Variants in TENM4 observed in about 807,000 individuals in gnomAD.
The protein encoded by TENM4 is teneurin-4.
TENM4 carries 82 observed loss-of-function variants against 243.3 expected under a neutral mutation model. That is an observed-to-expected ratio of 0.34 (90% CI 0.28 to 0.40). The LOEUF (loss-of-function observed/expected upper bound fraction) is 0.40, where lower values mean the gene tolerates loss of function less well. Among genes scored for constraint, TENM4 ranks in the 10% least tolerant of loss-of-function variants. TENM4 has a pLI of 1.00. For synonymous variants in TENM4, 1,412 were observed against 1,456.3 expected, an observed-to-expected ratio of 0.97 and a Z score of 0.69; for missense variants, 3,138 against 3,673.3, an observed-to-expected ratio of 0.85 and a Z score of 3.77.
At chr11:78,906,680 G>A (rs1856070113) in intron 6 of TENM4, among the ~76,000 whole-genome samples, 1 of 152,178 alleles carries the variant, frequency 6.6e-6, no homozygotes, top group Non-Finnish European at 1.5e-5. Flanking sequence ...TCCCCGTCCA[G>A]AAAGACTTCC....
At chr11:78,783,697 C>T (rs1464156805) in intron 16 of TENM4, among the ~76,000 whole-genome samples, 1 of 152,174 alleles carries the variant, frequency 6.6e-6, no homozygotes, top group African/African-American at 2.4e-5. Context: ...AATATTTTTG[C>T]TGTTTGACAA....
chr11:79,378,884 TAAAAA>T (rs34204961), intron 1 of TENM4, among the ~76,000 whole-genome samples: 1 of 116,910 alleles, frequency 8.6e-6, no homozygotes, highest in Non-Finnish European at 1.8e-5. Flanking sequence ...CCCTGTCTGT[TAAAAA>T]AAAAAAAAAA....
intron 15 of TENM4, among the ~76,000 whole-genome samples, chr11:78,792,562 T>C (rs1432344196): frequency 2.0e-5 from 3 of 152,098 alleles, no homozygotes; most frequent in Admixed American, 6.6e-5. Context: ...CCGTGCACTG[T>C]CCTCTCTCTA....
intron 21 of TENM4, among the ~76,000 whole-genome samples, chr11:78,730,039 T>C (rs1043628727): frequency 2.6e-5 from 4 of 152,208 alleles, no homozygotes; most frequent in African/African-American, 9.6e-5. Context: ...AGGATATGCA[T>C]ATAAAATACT....
intron 3 of TENM4, among the ~76,000 whole-genome samples, chr11:79,201,064 G>A (rs551069483): frequency 9.2e-5 from 14 of 152,280 alleles, no homozygotes; most frequent in South Asian, 4.1e-4. Flanking sequence ...CTGGTACAGC[G>A]GGGCCCATCA....
At chr11:78,729,763 A>C in intron 21 of TENM4, 120 bp from the exon 22 acceptor site, 1 of 1,321,126 alleles carries the variant, frequency 7.6e-7, no homozygotes, top group Non-Finnish European at 1.0e-6. Context: ...AGAAGGAGAG[A>C]GGAGGGGAAA....
At chr11:78,735,137 A>G (rs1855757063) in intron 20 of TENM4, among the ~76,000 whole-genome samples, 1 of 152,170 alleles carries the variant, frequency 6.6e-6, no homozygotes, top group Non-Finnish European at 1.5e-5. Flanking sequence ...TGGCATCCCC[A>G]GATTTGGGGC....
chr11:79,075,578 T>C (rs1860519097), intron 4 of TENM4, among the ~76,000 whole-genome samples: 2 of 152,190 alleles, frequency 1.3e-5, no homozygotes, highest in South Asian at 2.1e-4. Flanking sequence ...TAGACCAAAT[T>C]AGGCAGGTGA....
At chr11:79,395,967 G>A (rs1427909759) in intron 1 of TENM4, among the ~76,000 whole-genome samples, 1 of 152,162 alleles carries the variant, frequency 6.6e-6, no homozygotes, top group Non-Finnish European at 1.5e-5. Flanking sequence ...AATAATATTA[G>A]TCTTAGTTTA....
At chr11:79,286,267 C>G (rs939584289) in intron 2 of TENM4, among the ~76,000 whole-genome samples, 6 of 152,050 alleles carry the variant, frequency 3.9e-5, no homozygotes, top group African/African-American at 1.4e-4. Flanking sequence ...GCTCTGGAGT[C>G]CAGGAGTCTA....
chr11:78,769,805 T>C (rs946886583), intron 18 of TENM4, among the ~76,000 whole-genome samples: 3 of 152,240 alleles, frequency 2.0e-5, no homozygotes, highest in African/African-American at 4.8e-5. Context: ...GAAAGCCGGC[T>C]GGCTCAAAGA....
intron 4 of TENM4, among the ~76,000 whole-genome samples, chr11:79,071,888 G>T (rs1040898184): frequency 6.6e-6 from 1 of 152,148 alleles, no homozygotes; most frequent in Non-Finnish European, 1.5e-5. Flanking sequence ...AATGCCTCGG[G>T]ATTATACCTA....
In TENM4 at chr11:78,658,755, C is replaced by T. The variant is rs769803689; in HGVS notation, c.7613G>A (p.Arg2538Gln). 1.4e-5 allele frequency: 22 copies of T among 1,613,858 alleles called. No individual in the cohort carries two copies. The highest frequency in any genetic ancestry group is 4.4e-5 in the South Asian group (4 of 91,070). ...TGTGGAGCCATAGAGCTGGTCAAACCGTTCTAAGGTGACAAAGGCCTTGAG... is the reference window on the plus strand; with the variant it reads ...TGTGGAGCCATAGAGCTGGTCAAACTGTTCTAAGGTGACAAAGGCCTTGAG... ...KQLKAFVTLE[R>Q]FDQLYGSTIT... The change falls in exon 34 of 34, where the codon CGG becomes CAG. Residue 2538 changes from arginine (R) to glutamine (Q), a missense_variant. Transcript: ENST00000278550.
rs1181082429 is a variant in TENM4 at position 79,134,961 on chromosome 11, A to G, written c.-66+13749T>C. On this transcript the variant is annotated intron_variant, in intron 4 of 33. Transcript: ENST00000278550. Reference sequence around the variant, plus strand: ...AAGGATTTCATGACCAAGAACCCAAAAGCAAATACAGTAAAAACAAAGATA... The same window carrying G: ...AAGGATTTCATGACCAAGAACCCAAGAGCAAATACAGTAAAAACAAAGATA... Among the ~76,000 whole-genome samples, 4 of 152,190 alleles carry G rather than the reference A, an allele frequency of 2.6e-5. No homozygotes were observed. In the East Asian group the frequency reaches 7.7e-4, roughly 29 times the overall value.
At chr11:79,170,430 G>A (rs895567173) in intron 3 of TENM4, among the ~76,000 whole-genome samples, 1 of 152,158 alleles carries the variant, frequency 6.6e-6, no homozygotes, top group Non-Finnish European at 1.5e-5. Flanking sequence ...CTAACCCCTA[G>A]TACCTTAGAA....
chr11:79,167,192 G>T (rs1355748900), intron 3 of TENM4, among the ~76,000 whole-genome samples: 1 of 152,178 alleles, frequency 6.6e-6, no homozygotes, highest in East Asian at 1.9e-4. Context: ...AGCATTTTCT[G>T]CCTGGTTGCG....
intron 12 of TENM4, among the ~76,000 whole-genome samples, chr11:78,818,114 C>T (rs1216055625): frequency 6.6e-6 from 1 of 152,138 alleles, no homozygotes; most frequent in Non-Finnish European, 1.5e-5. Context: ...TTTGTTTCTA[C>T]TCCTGAAAGA....
At chr11:79,432,068 T>C (rs963916969) in intron 1 of TENM4, among the ~76,000 whole-genome samples, 1 of 152,250 alleles carries the variant, frequency 6.6e-6, no homozygotes, top group Non-Finnish European at 1.5e-5. Context: ...ATTAGTTTTG[T>C]TTCATTTTAA....
At chr11:78,811,980 T>C (rs1056516282) in intron 14 of TENM4, 142 bp downstream of exon 14, 3 of 979,482 alleles carry the variant, frequency 3.1e-6, no homozygotes, top group Admixed American at 5.6e-5. Flanking sequence ...TTACTGTTGC[T>C]GGTGGGTGGG....
Sources: allele counts gnomAD v4.1 joint callset (sites outside exome capture counted in the v4.1 genomes callset), GRCh38; gene constraint gnomAD v4.1.1; transcripts MANE v1.5; gene names NCBI Gene and HGNC (gene_info 2026-07-23, HGNC 2026-07-21).